The following AARSD1 variants were observed in gnomAD, a reference collection of about 807,000 sequenced individuals.
AARSD1 encodes alanyl-tRNA editing protein Aarsd1.
In AARSD1, 44 loss-of-function variants were observed where a neutral mutation model predicts 48.7. The ratio of observed to expected loss-of-function variants is 0.90; its 90% confidence interval spans 0.71 to 1.16. AARSD1 has a LOEUF of 1.16. AARSD1 is among the 50% of genes most tolerant of loss of function. The probability of loss-of-function intolerance (pLI) is 0.00; values close to 1 mark genes in which losing one functional copy is unlikely to be tolerated. For synonymous variants in AARSD1, 189 were observed against 194.9 expected (o/e 0.97, Z 0.25); for missense variants, 511 against 523.1 (o/e 0.98, Z 0.23).
chr17:42,961,619 C>A (rs566362738), intron 2 of AARSD1, among the ~76,000 whole-genome samples: 1 of 152,338 alleles, frequency 6.6e-6, no homozygotes, highest in African/African-American at 2.4e-5. Context: ...CCCGAAGAAT[C>A]TTAATCCTCA....
Position 42,963,576 on chromosome 17 carries a change from T to C in AARSD1, c.171+530A>G, listed in dbSNP as rs532651082. Among the ~76,000 whole-genome samples the C allele has an allele frequency of 1.1e-4, 16 of 152,190 alleles. 1 individual carries two copies. In the South Asian group the frequency reaches 3.3e-3, roughly 32 times the overall value. ...AAATATGCTCTCTGCTGTACTACTG[T>C]AACCCGTCTATCTCACCTGAACTCC... is the stretch of plus-strand genomic sequence containing the variant. On this transcript the variant is annotated intron_variant, in intron 2 of 11. Coordinates refer to ENST00000427569, the MANE Select transcript of AARSD1 (RefSeq NM_001261434.2).
Position 42,955,937 on chromosome 17 carries a change from C to A in AARSD1, c.699G>T (p.Lys233Asn), listed in dbSNP as rs769435117. 9 of 1,614,090 alleles carry A rather than the reference C, an allele frequency of 5.6e-6. No individual in the cohort carries two copies. In the South Asian group the frequency reaches 6.6e-5, roughly 12 times the overall value. The change falls in exon 7 of 12, where the codon AAG becomes AAT. Residue 233 changes from lysine (K) to asparagine (N), a missense_variant. Transcript: ENST00000427569. ...IKILGTEKGK[K>N]NRTNLIFLSG... ...ACAGAAATATCAGGTTGGTTCTGTT[C>A]TTTTTCCCCTTCTCAGTGCCCAGAA...
intron 10 of AARSD1, 40 bp from the exon 11 acceptor site, chr17:42,951,934 G>T (rs1206402683): frequency 1.2e-6 from 2 of 1,605,568 alleles, no homozygotes; most frequent in Non-Finnish European, 1.7e-6. Context: ...GATACTGAAG[G>T]ATGTAGAGTC....
In AARSD1 at chr17:42,955,858, G is replaced by A. The variant is rs759843355; in HGVS notation, c.778C>T (p.Leu260=). The A allele has an allele frequency of 1.2e-6, 2 of 1,614,146 alleles. No homozygotes were observed. The highest frequency in any genetic ancestry group is 1.7e-6 in the Non-Finnish European group (2 of 1,180,032). The change falls in exon 7 of 12, where the codon CTG becomes TTG. Residue 260 remains leucine (L), a synonymous_variant. Transcript: ENST00000427569. ...CAGGCATACTTAAGCAGAGCAGTCA[G>A]TGCTTTTTCAGTTCCATGACTTCTC... ...MERSHGTEKA[L]TALLKCGAED...
intron 3 of AARSD1, among the ~76,000 whole-genome samples, chr17:42,958,183 G>C (rs887605263): frequency 2.6e-5 from 4 of 152,096 alleles, no homozygotes; most frequent in Admixed American, 6.6e-5. Flanking sequence ...TTAAGCAGAG[G>C]AGTGACATAA....
At position 42,953,764 on chromosome 17, in the gene AARSD1, G is replaced by T; in HGVS notation, c.968C>A (p.Ser323Ter). The T allele has an allele frequency of 1.2e-6, 2 of 1,614,120 alleles. No individual in the cohort carries two copies. Among genetic ancestry groups the T allele is most frequent in the Non-Finnish European group, 1.7e-6 (2 of 1,180,012 alleles). ...ATTGGCAATGATATTCATGAACTCTGAATCACCCTCCTTCCTACAACAAAG... is the reference window on the plus strand; with the variant it reads ...ATTGGCAATGATATTCATGAACTCTTAATCACCCTCCTTCCTACAACAAAG... Reference protein sequence around the residue: ...VVILHRKEGDSEFMNIIANEI... With the variant: ...VVILHRKEGD Residue 323 changes from serine to a stop codon, truncating the protein, a stop_gained, in exon 10 of 12, where the codon TCA (serine) becomes TAA (stop). Coordinates refer to ENST00000427569, the MANE Select transcript of AARSD1 (RefSeq NM_001261434.2). LOFTEE classifies it high-confidence loss of function.
intron 9 of AARSD1, among the ~76,000 whole-genome samples, chr17:42,954,417 G>A (rs1312480839): frequency 1.3e-5 from 2 of 151,102 alleles, no homozygotes; most frequent in Non-Finnish European, 2.9e-5. Flanking sequence ...AGGAGGCCTG[G>A]TATGTAACAT....
intron 3 of AARSD1, among the ~76,000 whole-genome samples, chr17:42,958,241 C>G (rs900238493): frequency 3.3e-5 from 5 of 152,266 alleles, no homozygotes; most frequent in Admixed American, 1.3e-4. Context: ...GTGGCTCACT[C>G]CTGTAATCCC....
At chr17:42,953,004 G>A (rs1372811521) in intron 10 of AARSD1, among the ~76,000 whole-genome samples, 1 of 152,084 alleles carries the variant, frequency 6.6e-6, no homozygotes, top group East Asian at 1.9e-4. Context: ...TTTTGAGACA[G>A]AATCTCACTC....
chr17:42,951,530 A>G lies in AARSD1; in HGVS notation c.1103+270T>C, dbSNP rs74462075. Among the ~76,000 whole-genome samples, 1,441 of 152,324 alleles carry G rather than the reference A, an allele frequency of 9.5e-3. 17 individuals are homozygous for G. Among genetic ancestry groups the G allele is most frequent in the African/African-American group, 0.029 (1,209 of 41,586 alleles). On this transcript the variant is annotated intron_variant, in intron 11 of 11. Transcript: ENST00000427569. Reference sequence around the variant, plus strand: ...TAGCCTGGGCTCTCCAGGCTGGGCAACAGACTAAGACTCCATCTCAAAAAA... The same window carrying G: ...TAGCCTGGGCTCTCCAGGCTGGGCAGCAGACTAAGACTCCATCTCAAAAAA...
Position 42,956,448 on chromosome 17 carries a change from C to T in AARSD1, c.502G>A (p.Val168Met). 6.2e-7 allele frequency: 1 copy of T among 1,614,090 alleles called. No individual in the cohort carries two copies. Reference sequence around the variant, plus strand: ...TCCAGGCTCAGTTCTCGGACATTCACAGGCAGCCGATCTCTGATTTTTTCA... The same window carrying T: ...TCCAGGCTCAGTTCTCGGACATTCATAGGCAGCCGATCTCTGATTTTTTCA... ...VNEKIRDRLP[V>M]NVRELSLDDP... is the part of the protein sequence containing the mutation. Residue 168 changes from valine to methionine, a missense_variant, in exon 5 of 12, where the codon GTG becomes ATG. Coordinates refer to ENST00000427569, the MANE Select transcript of AARSD1 (RefSeq NM_001261434.2).
In AARSD1 at chr17:42,964,193, A is replaced by C. The variant is rs926583409; in HGVS notation, c.84T>G (p.Thr28=). Residue 28 remains threonine, a synonymous_variant, in exon 2 of 12, where the codon ACT becomes ACG. Coordinates refer to ENST00000427569, the MANE Select transcript of AARSD1 (RefSeq NM_001261434.2). ...CTTCTTTCTTGCCGTTGCTCCCTTC[A>C]GTCTGCAGCTCCGCGGGACAGCAGG... The part of the protein sequence containing the change: ...VVSCCPAELQ[T]EGSNGKKEVL... 1.2e-6 allele frequency: 2 copies of C among 1,614,096 alleles called. No homozygotes were observed. Among genetic ancestry groups the C allele is most frequent in the African/African-American group, 2.7e-5 (2 of 74,936 alleles).
At position 42,964,412 on chromosome 17, in the gene AARSD1, TAA is replaced by T. The variant is rs758689587; in HGVS notation, c.27_28del (p.Ser9ArgfsTer20). On this transcript the variant is annotated frameshift_variant, in exon 1 of 12. Transcript: ENST00000427569. LOFTEE classifies it high-confidence loss of function. ...GCCGTGACGCCGTACCTCTCGGGCA[TAA>T]CTGTCACGCTGACACCAGAACGCCA... The T allele has an allele frequency of 2.6e-6, 4 of 1,551,230 alleles. No individual in the cohort carries two copies. The South Asian group carries it at 4.7e-5, about 18-fold the overall frequency.
chr17:42,956,914 G>T (rs1307382099), intron 4 of AARSD1, among the ~76,000 whole-genome samples: 4 of 145,496 alleles, frequency 2.7e-5, no homozygotes. Flanking sequence ...TGATCCGCCC[G>T]CCTCGGCCTC....
Position 42,954,879 on chromosome 17 carries a change from T to G in AARSD1, c.950A>C (p.His317Pro). The change falls in exon 9 of 12, where the codon CAC (histidine) becomes CCC (proline). Residue 317 changes from histidine to proline, a missense_variant. His to Pro is a moderately conservative substitution (Grantham distance 77). Coordinates refer to ENST00000427569, the MANE Select transcript of AARSD1 (RefSeq NM_001261434.2). Reference sequence around the variant, plus strand: ...TGTCCAGCTCCTAATTTCTCACCTGTGTAATATGACCACACCTCCCCAGTC... The same window carrying G: ...TGTCCAGCTCCTAATTTCTCACCTGGGTAATATGACCACACCTCCCCAGTC... ...SPDWGGVVIL[H>P]RKEGDSEFMN... 1.2e-6 allele frequency: 2 copies of G among 1,614,050 alleles called. No homozygotes were observed.
rs112374999 is a variant in AARSD1, at chr17:42,963,415, A to G, written c.171+691T>C. On this transcript the variant is annotated intron_variant, in intron 2 of 11. Transcript: ENST00000427569. ...GAGATTCTGTCTCAAAAAAAAAAAG[A>G]AAGAAAGAAAGAAAAGAAAAGAAAG... 7.0e-4 allele frequency among the ~76,000 whole-genome samples: 104 copies of G among 148,948 alleles called. 3 individuals are homozygous for G. Among genetic ancestry groups the G allele is most frequent in the African/African-American group, 2.4e-3 (99 of 41,042 alleles).
intron 3 of AARSD1, 186 bp from the exon 4 acceptor site, chr17:42,957,381 T>G: frequency 1.7e-6 from 1 of 575,482 alleles, no homozygotes; most frequent in Non-Finnish European, 2.8e-6. Flanking sequence ...GGCCTTATGA[T>G]ACCATTTCAC....
chr17:42,956,817 G>A (rs1384580904), intron 4 of AARSD1, among the ~76,000 whole-genome samples: 3 of 148,236 alleles, frequency 2.0e-5, no homozygotes, highest in East Asian at 2.0e-4. Flanking sequence ...ACAGGCGCCC[G>A]CCACCACGCC....
intron 6 of AARSD1, 64 bp from the exon 7 acceptor site, chr17:42,956,036 C>G: frequency 5.0e-6 from 8 of 1,611,044 alleles, no homozygotes; most frequent in Non-Finnish European, 5.9e-6. Context: ...ACAGCGGATC[C>G]TAGAACCTGA....
Sources: gnomAD v4.1 joint callset for allele counts (sites outside exome capture counted in the v4.1 genomes callset) on GRCh38, gnomAD v4.1.1 for gene constraint, MANE v1.5 for transcripts, NCBI Gene and HGNC (gene_info 2026-07-23, HGNC 2026-07-21) for gene names.